Variants in PDE4D observed in about 807,000 individuals in gnomAD.
PDE4D encodes the protein phosphodiesterase 4D, also known as 3',5'-cyclic-AMP phosphodiesterase 4D.
In PDE4D, 24 loss-of-function variants were observed where a neutral mutation model predicts 87.4. The observed-to-expected ratio is 0.27, with a 90% CI of 0.20 to 0.39. PDE4D has a LOEUF of 0.39. Ranked by LOEUF, PDE4D falls within the 10% of genes least tolerant of loss-of-function variation. The pLI is 1.00. For synonymous variants in PDE4D, 384 were observed against 383.2 expected (o/e 1.00, Z -0.02); for missense variants, 714 against 1,041.0 (o/e 0.69, Z 4.32).
At chr5:59,498,514 C>A (rs891305665) in intron 1 of PDE4D, among the ~76,000 whole-genome samples, 7 of 151,714 alleles carry the variant, frequency 4.6e-5, no homozygotes, top group African/African-American at 1.5e-4. Flanking sequence ...AAAAACAAGT[C>A]TAACTTCAAG....
chr5:59,874,545 C>T (rs560282010), intron 1 of PDE4D, among the ~76,000 whole-genome samples: 6 of 152,158 alleles, frequency 3.9e-5, no homozygotes, highest in African/African-American at 1.4e-4. Context: ...TGTTTCTTTA[C>T]TCTCTCTACT....
intron 5 of PDE4D, among the ~76,000 whole-genome samples, chr5:59,170,361 T>C (rs763310452): frequency 7.2e-5 from 11 of 152,164 alleles, no homozygotes; most frequent in Non-Finnish European, 1.0e-4. Context: ...TACAACATTT[T>C]TGTCATAGGC....
At chr5:60,469,549 C>A (rs1747660627) in intron 1 of PDE4D, among the ~76,000 whole-genome samples, 1 of 152,202 alleles carries the variant, frequency 6.6e-6, no homozygotes, top group Admixed American at 6.5e-5. Flanking sequence ...TTTTGTTACA[C>A]ATCACAGGTT....
At chr5:60,505,205 C>A (rs1310221077) in intron 1 of PDE4D, among the ~76,000 whole-genome samples, 3 of 152,204 alleles carry the variant, frequency 2.0e-5, no homozygotes, top group Non-Finnish European at 2.9e-5. Context: ...GCAAGGGGCA[C>A]TGTTAGGACA....
chr5:58,991,716 GA>G (rs749957231), intron 8 of PDE4D, 115 bp downstream of exon 8: 665 of 541,078 alleles, frequency 1.2e-3, no homozygotes, highest in South Asian at 2.3e-3. Context: ...TTCAAAAAAA[GA>G]AAAAAAAAAA....
chr5:60,094,288 T>C (rs944829549), intron 2 of PDE4D, among the ~76,000 whole-genome samples: 2 of 152,154 alleles, frequency 1.3e-5, no homozygotes, highest in African/African-American at 4.8e-5. Context: ...AAAAACAAAG[T>C]TGAAGGTAAC....
chr5:59,789,060 G>T (rs931343041), intron 1 of PDE4D, among the ~76,000 whole-genome samples: 1 of 152,190 alleles, frequency 6.6e-6, no homozygotes, highest in Non-Finnish European at 1.5e-5. Context: ...GTTAGGATTT[G>T]CCTGAAGTAG....
intron 2 of PDE4D, among the ~76,000 whole-genome samples, chr5:59,209,665 T>C (rs1749654934): frequency 6.6e-6 from 1 of 152,230 alleles, no homozygotes. Flanking sequence ...GGTTTTGTTC[T>C]AACAATTTAG....
chr5:59,200,208 G>T (rs28568571), intron 2 of PDE4D, among the ~76,000 whole-genome samples: 5 of 137,200 alleles, frequency 3.6e-5, no homozygotes, highest in Non-Finnish European at 6.4e-5. Context: ...TGTATGTATA[G>T]ATACACGTGT....
chr5:59,820,781 A>T (rs1211642625), intron 1 of PDE4D, among the ~76,000 whole-genome samples: 1 of 152,224 alleles, frequency 6.6e-6, no homozygotes, highest in African/African-American at 2.4e-5. Context: ...CTTATTCAGG[A>T]TAATAAATGA....
In PDE4D at chr5:60,419,449, T is replaced by A. The variant is rs559863271; in HGVS notation, c.-90+68493A>T. ...GAAGAGGGAGAGGATTTCATATATA[T>A]CTAAAATATGTCTGAAAGGGAACAA... is the stretch of plus-strand genomic sequence containing the variant. On this transcript the variant is annotated intron_variant, in intron 1 of 16. Coordinates refer to the PDE4D transcript ENST00000502484. 3.1e-3 allele frequency among the ~76,000 whole-genome samples: 475 copies of A among 151,890 alleles called. 3 individuals carry two copies. The highest frequency in any genetic ancestry group is 0.011 in the African/African-American group (446 of 41,402).
At chr5:60,192,561 T>G (rs1785280105) in intron 1 of PDE4D, among the ~76,000 whole-genome samples, 1 of 152,174 alleles carries the variant, frequency 6.6e-6, no homozygotes, top group African/African-American at 2.4e-5. Flanking sequence ...ATGAGAACCT[T>G]CATGATGTAC....
intron 1 of PDE4D, among the ~76,000 whole-genome samples, chr5:60,268,677 G>A (rs1486214814): frequency 1.3e-5 from 2 of 152,172 alleles, no homozygotes; most frequent in African/African-American, 4.8e-5. Flanking sequence ...AGAGCATTGT[G>A]CTTACTATCA....
intron 3 of PDE4D, among the ~76,000 whole-genome samples, chr5:59,936,219 G>T (rs1274510585): frequency 1.3e-5 from 2 of 152,180 alleles, no homozygotes; most frequent in East Asian, 3.9e-4. Flanking sequence ...TGTGGGGTAG[G>T]GGGAAGGGGG....
intron 5 of PDE4D, among the ~76,000 whole-genome samples, chr5:59,158,072 C>T (rs976112739): frequency 6.6e-6 from 1 of 152,112 alleles, no homozygotes; most frequent in Non-Finnish European, 1.5e-5. Context: ...ATTGAGTTCT[C>T]TTGATGTTCT....
chr5:59,922,777 C>T (rs944064514), intron 3 of PDE4D, among the ~76,000 whole-genome samples: 16 of 151,990 alleles, frequency 1.1e-4, no homozygotes, highest in African/African-American at 3.6e-4. Flanking sequence ...AGAACATTCC[C>T]AGCTGTAGTA....
chr5:59,651,234 C>T (rs1030082559), intron 1 of PDE4D, among the ~76,000 whole-genome samples: 3 of 148,386 alleles, frequency 2.0e-5, no homozygotes, highest in Admixed American at 1.4e-4. Context: ...CCAGCCTGGG[C>T]AACAGAGTGA....
At chr5:59,398,120 G>A (rs1789846338) in intron 1 of PDE4D, among the ~76,000 whole-genome samples, 2 of 147,868 alleles carry the variant, frequency 1.4e-5, no homozygotes, top group Admixed American at 1.4e-4. Context: ...TCCAGGACCA[G>A]ATGGATTCAC....
chr5:60,406,434 G>C (rs1238960434), intron 1 of PDE4D, among the ~76,000 whole-genome samples: 1 of 152,136 alleles, frequency 6.6e-6, no homozygotes, highest in African/African-American at 2.4e-5. Flanking sequence ...ACTCTCTTCT[G>C]TTTGAGATGC....
Sources: allele counts gnomAD v4.1 joint callset (sites outside exome capture counted in the v4.1 genomes callset), GRCh38; gene constraint gnomAD v4.1.1; transcripts MANE v1.5; gene names NCBI Gene and HGNC (gene_info 2026-07-23, HGNC 2026-07-21).